CEP83: variants seen among roughly 807,000 people sequenced by gnomAD.
CEP83 encodes the protein centrosomal protein of 83 kDa.
In CEP83, 70 loss-of-function variants were observed where a neutral mutation model predicts 101.9. That is an observed-to-expected ratio of 0.69 (90% CI 0.57 to 0.84). CEP83 has a LOEUF of 0.84. CEP83 is among the 40% of genes least tolerant of loss of function. The probability of loss-of-function intolerance (pLI) is 0.00; values close to 1 mark genes in which losing one functional copy is unlikely to be tolerated. For synonymous variants in CEP83, 264 were observed against 267.9 expected, an observed-to-expected ratio of 0.99 and a Z score of 0.14; for missense variants, 715 against 787.2, an observed-to-expected ratio of 0.91 and a Z score of 1.10.
At chr12:94,333,858 C>T (rs1296829845) in intron 12 of CEP83, among the ~76,000 whole-genome samples, 1 of 152,070 alleles carries the variant, frequency 6.6e-6, no homozygotes, top group African/African-American at 2.4e-5. Context: ...GTCACTGAGT[C>T]CCCTCCCTCT....
At chr12:94,317,404 G>A (rs1970879975) in intron 14 of CEP83, among the ~76,000 whole-genome samples, 1 of 152,154 alleles carries the variant, frequency 6.6e-6, no homozygotes, top group African/African-American at 2.4e-5. Flanking sequence ...CTGTGCAGAA[G>A]CTCTTAAGTT....
the CEP83 span, among the ~76,000 whole-genome samples, chr12:94,291,769 A>ATTCTT: frequency 6.6e-6 from 1 of 152,120 alleles, no homozygotes; most frequent in South Asian, 2.1e-4. Flanking sequence ...CATTTCGTAT[A>ATTCTT]TTCTTTTTAG....
chr12:94,311,176 G>A (rs1181699458), intron 15 of CEP83, among the ~76,000 whole-genome samples: 7 of 152,202 alleles, frequency 4.6e-5, no homozygotes, highest in African/African-American at 1.7e-4. Flanking sequence ...GAGCTTCTGG[G>A]TTGCTGAACA....
At chr12:94,448,000 ACT>A (rs1424146354) in intron 1 of CEP83, among the ~76,000 whole-genome samples, 1 of 151,988 alleles carries the variant, frequency 6.6e-6, no homozygotes, top group African/African-American at 2.4e-5. Flanking sequence ...TGAACTAAAC[ACT>A]CTATTCAAAG....
intron 15 of CEP83, among the ~76,000 whole-genome samples, chr12:94,311,723 A>C (rs1317427446): frequency 6.6e-6 from 1 of 152,208 alleles, no homozygotes; most frequent in Non-Finnish European, 1.5e-5. Context: ...TTTAGGAAAA[A>C]ATGACATGGA....
intron 16 of CEP83, 76 bp downstream of exon 16, chr12:94,309,842 T>G: frequency 1.0e-6 from 1 of 987,862 alleles, no homozygotes; most frequent in South Asian, 2.5e-5. Context: ...TAATTTGAGT[T>G]TTATCACCAT....
the CEP83 span, among the ~76,000 whole-genome samples, chr12:94,299,083 G>A: frequency 6.6e-6 from 1 of 152,158 alleles, no homozygotes; most frequent in Non-Finnish European, 1.5e-5. Flanking sequence ...TAAAGAATGA[G>A]AAATTAACAT....
chr12:94,283,548 G>A, the CEP83 span, among the ~76,000 whole-genome samples: 16 of 152,208 alleles, frequency 1.1e-4, no homozygotes, highest in Admixed American at 2.0e-4. Flanking sequence ...TTGGCTGTAC[G>A]GGAGACGGGA....
At chr12:94,448,554 A>C (rs1276657809) in intron 1 of CEP83, among the ~76,000 whole-genome samples, 1 of 152,150 alleles carries the variant, frequency 6.6e-6, no homozygotes, top group Non-Finnish European at 1.5e-5. Flanking sequence ...GTCTCAATAA[A>C]ATTTAAAAGA....
chr12:94,317,087 CTAT>C (rs1255579739), intron 14 of CEP83, among the ~76,000 whole-genome samples: 1 of 151,896 alleles, frequency 6.6e-6, no homozygotes, highest in Non-Finnish European at 1.5e-5. Flanking sequence ...CCAGAATCTG[CTAT>C]TTTTTTATTT....
rs116882504 is a variant in CEP83 at position 94,347,628 on chromosome 12, T to C, written c.1344-11964A>G. 4.1e-3 allele frequency among the ~76,000 whole-genome samples: 627 copies of C among 152,310 alleles called. 13 individuals are homozygous for C. The East Asian group carries it at 0.049, about 12-fold the overall frequency. On this transcript the variant is annotated intron_variant, in intron 11 of 16. Coordinates refer to ENST00000397809, the MANE Select transcript of CEP83 (RefSeq NM_016122.3). Reference sequence around the variant, plus strand: ...TAAATGAATGTTCACAGCAGCATTATTCATAATAGCCCCCAACTAAAAACA... The same window carrying C: ...TAAATGAATGTTCACAGCAGCATTACTCATAATAGCCCCCAACTAAAAACA...
At chr12:94,322,551 C>A (rs1480200198) in intron 14 of CEP83, among the ~76,000 whole-genome samples, 1 of 152,246 alleles carries the variant, frequency 6.6e-6, no homozygotes, top group Non-Finnish European at 1.5e-5. Flanking sequence ...TGGCACCCTG[C>A]CCCTCTCTCT....
At chr12:94,413,079 C>A (rs1390017121) in intron 2 of CEP83, among the ~76,000 whole-genome samples, 3 of 152,200 alleles carry the variant, frequency 2.0e-5, no homozygotes. Context: ...GTCTCGAACT[C>A]CTGACATCAG....
At chr12:94,454,786 A>G (rs2067530190) in intron 1 of CEP83, among the ~76,000 whole-genome samples, 1 of 151,644 alleles carries the variant, frequency 6.6e-6, no homozygotes, top group East Asian at 1.9e-4. Flanking sequence ...GGAGGAATGA[A>G]CAATGCCGGA....
intron 11 of CEP83, among the ~76,000 whole-genome samples, chr12:94,344,779 A>T (rs2059853699): frequency 6.6e-6 from 1 of 152,194 alleles, no homozygotes; most frequent in South Asian, 2.1e-4. Context: ...ATACAATCCC[A>T]ATTAAAATTT....
intron 2 of CEP83, among the ~76,000 whole-genome samples, chr12:94,425,987 TGAC>T (rs2065167654): frequency 6.6e-6 from 1 of 151,922 alleles, no homozygotes; most frequent in Admixed American, 6.6e-5. Context: ...CTGGGCGTGG[TGAC>T]AGGCGCCTGT....
At chr12:94,385,060 G>A (rs2137274719) in intron 6 of CEP83, among the ~76,000 whole-genome samples, 1 of 152,232 alleles carries the variant, frequency 6.6e-6, no homozygotes, top group Admixed American at 6.5e-5. Context: ...GGTAGGGGAT[G>A]GGTGGTGTTG....
chr12:94,408,927 G>A (rs1017728953), intron 4 of CEP83, among the ~76,000 whole-genome samples: 2 of 151,890 alleles, frequency 1.3e-5, no homozygotes, highest in Admixed American at 1.3e-4. Flanking sequence ...GTCATCCTAT[G>A]AGCTAGGCAC....
intron 13 of CEP83, among the ~76,000 whole-genome samples, chr12:94,333,059 A>AAC (rs1555221592): frequency 6.6e-6 from 1 of 151,210 alleles, no homozygotes; most frequent in African/African-American, 2.4e-5. Context: ...AAAAAAAAAA[A>AAC]AAAAAACAAA....
Sources: gnomAD v4.1 joint callset for allele counts (sites outside exome capture counted in the v4.1 genomes callset) on GRCh38, gnomAD v4.1.1 for gene constraint, MANE v1.5 for transcripts, NCBI Gene and HGNC (gene_info 2026-07-23, HGNC 2026-07-21) for gene names.